The following MACO1 variants were observed in gnomAD, a reference collection of about 807,000 sequenced individuals.
MACO1 encodes the protein macoilin 1, also known as macoilin.
MACO1 carries 14 observed loss-of-function variants against 78.7 expected under a neutral mutation model. That is an observed-to-expected ratio of 0.18 (90% CI 0.12 to 0.28). The LOEUF is 0.28. Ranked by LOEUF, MACO1 falls within the 10% of genes least tolerant of loss-of-function variation. The pLI is 1.00. For synonymous variants in MACO1, 288 were observed against 291.6 expected, an observed-to-expected ratio of 0.99 and a Z score of 0.12; for missense variants, 501 against 799.0, an observed-to-expected ratio of 0.63 and a Z score of 4.50.
chr1:25,441,744 A>G (rs1446905584), intron 1 of MACO1, among the ~76,000 whole-genome samples: 1 of 152,120 alleles, frequency 6.6e-6, no homozygotes, highest in Non-Finnish European at 1.5e-5. Flanking sequence ...TGAGGAAGTG[A>G]TATTTGTGCT....
chr1:25,446,555 T>C (rs2043016985), intron 1 of MACO1, among the ~76,000 whole-genome samples: 1 of 152,210 alleles, frequency 6.6e-6, no homozygotes, highest in African/African-American at 2.4e-5. Context: ...TATCATCTTA[T>C]CTTGATAGTT....
intron 1 of MACO1, among the ~76,000 whole-genome samples, chr1:25,444,329 G>A (rs929081412): frequency 6.6e-6 from 1 of 151,452 alleles, no homozygotes. Flanking sequence ...TGAACCCCTG[G>A]GCTCAAATGA....
chr1:25,454,481 TATATATA>T (rs1470370744), intron 4 of MACO1, 99 bp downstream of exon 4: 2 of 165,634 alleles, frequency 1.2e-5, no homozygotes, highest in Middle Eastern at 2.9e-3. Flanking sequence ...TATATATATA[TATATATA>T]TTTTTTTTTT....
intron 9 of MACO1, 114 bp downstream of exon 9, chr1:25,489,407 C>A: frequency 8.3e-7 from 1 of 1,209,484 alleles, no homozygotes; most frequent in Non-Finnish European, 1.1e-6. Flanking sequence ...AATCTCATTG[C>A]ATCTGAAAAA....
chr1:25,467,161 C>T (rs1400603750), intron 6 of MACO1, among the ~76,000 whole-genome samples: 8 of 152,110 alleles, frequency 5.3e-5, no homozygotes, highest in Admixed American at 2.0e-4. Flanking sequence ...GGGAAGCTGA[C>T]GCAGGAGAAT....
intron 6 of MACO1, among the ~76,000 whole-genome samples, chr1:25,474,483 G>C (rs1297840700): frequency 6.6e-6 from 1 of 152,018 alleles, no homozygotes; most frequent in African/African-American, 2.4e-5. Context: ...GGACCTTTTT[G>C]CTTTTTCTTC....
intron 6 of MACO1, among the ~76,000 whole-genome samples, chr1:25,467,112 G>T (rs531391967): frequency 6.6e-6 from 1 of 152,104 alleles, no homozygotes; most frequent in African/African-American, 2.4e-5. Context: ...TACAAAATTA[G>T]CTGGGCATGG....
intron 1 of MACO1, among the ~76,000 whole-genome samples, chr1:25,432,451 AG>A (rs2042884237): frequency 6.6e-6 from 1 of 152,234 alleles, no homozygotes; most frequent in South Asian, 2.1e-4. Flanking sequence ...TTCATTCATC[AG>A]TTATATATAC....
Position 25,458,486 on chromosome 1 carries a change from A to G in MACO1, c.748A>G (p.Ile250Val). 3 of 1,614,118 alleles carry G rather than the reference A, an allele frequency of 1.9e-6. No individual in the cohort carries two copies. Among genetic ancestry groups the G allele is most frequent in the South Asian group, 1.1e-5 (1 of 91,082 alleles). ...AAAACTCTCCACAACTTTGCCAGAGATAGAATACCGAGAAAAAGGGAAAGA... is the reference window on the plus strand; with the variant it reads ...AAAACTCTCCACAACTTTGCCAGAGGTAGAATACCGAGAAAAAGGGAAAGA... ...NKKLSTTLPE[I>V]EYREKGKEKD... Residue 250 changes from isoleucine to valine, a missense_variant, in exon 6 of 11, where the codon ATA becomes GTA. Ile to Val is a conservative substitution (Grantham distance 29, BLOSUM62 3). This residue lies in a region of MACO1 where 90 missense variants were observed against 85.7 expected (regional missense o/e 1.05). Coordinates refer to ENST00000374343, the MANE Select transcript of MACO1 (RefSeq NM_018202.6).
chr1:25,447,020 A>C lies in MACO1; in HGVS notation c.222+117A>C, dbSNP rs2043021519. 4.9e-6 allele frequency: 6 copies of C among 1,235,786 alleles called. No individual in the cohort carries two copies. In the African/African-American group the frequency reaches 6.1e-5, roughly 13 times the overall value. The allele number at this position is 1,235,786 out of a possible 1,614,324, so 76.6% of individuals were successfully genotyped here. A position where few individuals can be genotyped will look rare whatever the true frequency, so the allele number is the denominator to read the frequency against. Reference sequence around the variant, plus strand: ...ATTAGCTAATAGGGTCTGTTAACTGAAATTGACCTCTAAACTATTTTGTCT... The same window carrying C: ...ATTAGCTAATAGGGTCTGTTAACTGCAATTGACCTCTAAACTATTTTGTCT... On this transcript the variant is annotated intron_variant, in intron 2 of 10. Coordinates refer to ENST00000374343, the MANE Select transcript of MACO1 (RefSeq NM_018202.6).
intron 6 of MACO1, among the ~76,000 whole-genome samples, chr1:25,472,001 G>A (rs2043275673): frequency 4.6e-5 from 7 of 152,184 alleles, no homozygotes. Flanking sequence ...TGCTCTGGCA[G>A]TGGGGTTGGT....
chr1:25,476,568 G>C (rs2043323231), intron 6 of MACO1, among the ~76,000 whole-genome samples: 2 of 152,216 alleles, frequency 1.3e-5, no homozygotes, highest in Admixed American at 6.5e-5. Context: ...CAGTGTGAGT[G>C]ACCTGGAAAG....
At chr1:25,444,787 A>G (rs1031095770) in intron 1 of MACO1, among the ~76,000 whole-genome samples, 1 of 151,722 alleles carries the variant, frequency 6.6e-6, no homozygotes, top group South Asian at 2.1e-4. Flanking sequence ...GGGTCTCACT[A>G]TGTTGCCCAG....
chr1:25,474,894 T>G (rs2043306513), intron 6 of MACO1, among the ~76,000 whole-genome samples: 1 of 152,194 alleles, frequency 6.6e-6, no homozygotes, highest in African/African-American at 2.4e-5. Flanking sequence ...GAGCAGTGCC[T>G]CCTCTCCTGC....
chr1:25,490,595 T>A (rs2043476733), intron 9 of MACO1, among the ~76,000 whole-genome samples: 1 of 152,188 alleles, frequency 6.6e-6, no homozygotes, highest in South Asian at 2.1e-4. Context: ...ATCTCACCAA[T>A]GAGTGATGTA....
At chr1:25,459,524 G>C (rs2043153055) in intron 6 of MACO1, among the ~76,000 whole-genome samples, 2 of 139,868 alleles carry the variant, frequency 1.4e-5, no homozygotes, top group South Asian at 4.5e-4. Flanking sequence ...TTGCTCTATT[G>C]CCCAGGCTGG....
At chr1:25,456,251 C>CCATTT (rs1255930710) in intron 4 of MACO1, among the ~76,000 whole-genome samples, 8 of 149,332 alleles carry the variant, frequency 5.4e-5, no homozygotes, top group Non-Finnish European at 3.0e-5. Context: ...GAGCGAGACT[C>CCATTT]CATTTCAAAA....
intron 5 of MACO1, 138 bp from the exon 6 acceptor site, chr1:25,458,250 TTGA>T (rs1376450882): frequency 8.9e-7 from 1 of 1,118,794 alleles, no homozygotes; most frequent in Non-Finnish European, 1.2e-6. Context: ...GATTTGCTTC[TTGA>T]TTAGCGTATA....
chr1:25,496,514 T>G (rs2043538725), intron 10 of MACO1, among the ~76,000 whole-genome samples: 1 of 152,216 alleles, frequency 6.6e-6, no homozygotes, highest in Admixed American at 6.5e-5. Flanking sequence ...CAATCATGTC[T>G]TTCTTCTGGT....
Sources: gnomAD v4.1 joint callset for allele counts (sites outside exome capture counted in the v4.1 genomes callset) on GRCh38, gnomAD v4.1.1 for gene constraint, gnomAD v4.1.1 regional missense constraint, MANE v1.5 for transcripts, NCBI Gene and HGNC (gene_info 2026-07-23, HGNC 2026-07-21) for gene names.